The following ZFPM1 variants were observed in gnomAD, a reference collection of about 807,000 sequenced individuals.
ZFPM1 encodes zinc finger protein, FOG family member 1, also known as zinc finger protein ZFPM1.
In ZFPM1, 28 loss-of-function variants were observed where a neutral mutation model predicts 46.3. The ratio of observed to expected loss-of-function variants is 0.60; its 90% CI spans 0.45 to 0.83. The LOEUF is 0.83. ZFPM1 is among the 40% of genes least tolerant of loss of function. ZFPM1 has a pLI of 0.00. For missense variants in ZFPM1, 1,878 were observed against 1,432.4 expected, an observed-to-expected ratio of 1.31 and a Z score of -5.02; for synonymous variants, 957 against 675.9, an observed-to-expected ratio of 1.42 and a Z score of -6.45.
intron 3 of ZFPM1, among the ~76,000 whole-genome samples, chr16:88,493,674 G>A (rs62048974): frequency 0.17 from 25,891 of 149,644 alleles, 2,606 homozygotes; most frequent in East Asian, 0.27. Context: ...GAGCTGTCCC[G>A]GGTTGCGGAG....
In ZFPM1 at chr16:88,492,794, C is replaced by G. The variant is rs555937168; in HGVS notation, c.268+3641C>G. ...TGGTCCCAGACTCCCTGGAGGCACT[C>G]ATGTAACATCAGGCAGAGAGGAGGC... On this transcript the variant is annotated intron_variant, in intron 3 of 9. Coordinates refer to ENST00000319555, the MANE Select transcript of ZFPM1 (RefSeq NM_153813.3). Among the ~76,000 whole-genome samples the G allele has an allele frequency of 2.0e-5, 3 of 152,262 alleles. 1 individual carries two copies. In the South Asian group the frequency reaches 6.2e-4, roughly 32 times the overall value.
chr16:88,510,411 G>A (rs906173775), intron 3 of ZFPM1, among the ~76,000 whole-genome samples: 8 of 152,240 alleles, frequency 5.3e-5, no homozygotes, highest in South Asian at 2.1e-4. Flanking sequence ...CCATCCCCAT[G>A]GGGTGTAATC....
At chr16:88,488,935 C>G in intron 2 of ZFPM1, 96 bp from the exon 3 acceptor site, 1 of 1,509,666 alleles carries the variant, frequency 6.6e-7, no homozygotes, top group East Asian at 2.4e-5. Flanking sequence ...CTCCCCAACC[C>G]GGCGCCCAGC....
Position 88,453,594 on chromosome 16 carries a change from C to T in ZFPM1, c.-45C>T, listed in dbSNP as rs1907387010. On this transcript the variant is annotated 5_prime_UTR_variant, in exon 1 of 10. Transcript: ENST00000319555. ...GCCCCCGCCGCCCGCCGCCGCCCGC[C>T]CGGGGCTAGAGGCGGCCGCCGGGAG... is the stretch of plus-strand genomic sequence containing the variant. 1.0e-6 allele frequency: 1 copy of T among 1,002,684 alleles called. No homozygotes were observed. The highest frequency in any genetic ancestry group is 1.8e-5 in the African/African-American group (1 of 56,682). 62.1% of individuals were successfully genotyped at this position (1,002,684 alleles called of 1,614,324 possible).
chr16:88,532,305 C>CG lies in ZFPM1; in HGVS notation c.946+73dup, dbSNP rs1442604167. On this transcript the variant is annotated intron_variant, in intron 7 of 9. Coordinates refer to ENST00000319555, the MANE Select transcript of ZFPM1 (RefSeq NM_153813.3). The stretch of plus-strand genomic sequence containing the variant: ...TCCCCACCCAGTCCCGCAGGCCGCC[C>CG]GGGAAAACCCACATGCAAGCACACA... 4.3e-6 allele frequency: 6 copies of CG among 1,409,422 alleles called. No homozygotes were observed. In the Admixed American group the frequency reaches 7.0e-5, roughly 16 times the overall value. 87.3% of individuals were successfully genotyped at this position (1,409,422 alleles called of 1,614,324 possible).
chr16:88,472,296 G>T (rs544205322), intron 1 of ZFPM1, among the ~76,000 whole-genome samples: 6 of 152,066 alleles, frequency 3.9e-5, no homozygotes, highest in Non-Finnish European at 8.8e-5. Context: ...GCACCAGAGC[G>T]CCTGCTGCCA....
In ZFPM1 at chr16:88,469,201, C is replaced by T. The variant is rs930782189; in HGVS notation, c.40+15523C>T. 7.9e-5 allele frequency among the ~76,000 whole-genome samples: 12 copies of T among 152,248 alleles called. No individual in the cohort carries two copies. The highest frequency in any genetic ancestry group is 1.9e-4 in the African/African-American group (8 of 41,468). On this transcript the variant is annotated intron_variant, in intron 1 of 9. Coordinates refer to ENST00000319555, the MANE Select transcript of ZFPM1 (RefSeq NM_153813.3). The surrounding 1 kb of genome is among the most constrained non-coding windows in gnomAD (Gnocchi z 4.3). The stretch of plus-strand genomic sequence containing the variant: ...CCCCCACCGCTCCACCCTCTCCCCG[C>T]GCTGACTTCCATCCGGAACCTCATT...
intron 1 of ZFPM1, among the ~76,000 whole-genome samples, chr16:88,460,956 G>T (rs1383403408): frequency 3.8e-5 from 4 of 104,532 alleles, no homozygotes; most frequent in East Asian, 6.4e-4. Flanking sequence ...CGAGGGGCGG[G>T]GCGGGAGGCC....
chr16:88,485,936 C>A lies in ZFPM1; in HGVS notation c.41-3C>A. 6.2e-7 allele frequency: 1 copy of A among 1,612,728 alleles called. No homozygotes were observed. On this transcript the variant is annotated splice_polypyrimidine_tract_variant and splice_region_variant and intron_variant, in intron 1 of 9. Transcript: ENST00000319555. ...CCGAACCCCCATCGTCTTGTGTCCA[C>A]AGGTTCCCTCGGAGACATGGAGGCC...
At chr16:88,490,202 T>A (rs1002611662) in intron 3 of ZFPM1, among the ~76,000 whole-genome samples, 3 of 152,064 alleles carry the variant, frequency 2.0e-5, no homozygotes, top group Non-Finnish European at 4.4e-5. Context: ...TACAGGTGCC[T>A]GCCACCATGC....
chr16:88,453,788 TCA>T lies in ZFPM1; in HGVS notation c.40+112_40+113del, dbSNP rs1369294275. 4 of 600,342 alleles carry T rather than the reference TCA, an allele frequency of 6.7e-6. No homozygotes were observed. In the African/African-American group the frequency reaches 8.1e-5, roughly 12 times the overall value. 37.2% of individuals were successfully genotyped at this position (600,342 alleles called of 1,614,324 possible). On this transcript the variant is annotated intron_variant, in intron 1 of 9. Coordinates refer to ENST00000319555, the MANE Select transcript of ZFPM1 (RefSeq NM_153813.3). ...GCTCTGCCCTGGGCGCCGGCGACCT[TCA>T]CCCCGCGCCGCGCCCCCCGCGCTGT...
intron 1 of ZFPM1, among the ~76,000 whole-genome samples, chr16:88,467,574 C>T (rs2142349643): frequency 6.6e-6 from 1 of 152,362 alleles, no homozygotes; most frequent in East Asian, 1.9e-4. Flanking sequence ...CGAGACCTGC[C>T]TTGCAGGGCA....
chr16:88,475,100 G>A (rs943536588), intron 1 of ZFPM1, among the ~76,000 whole-genome samples: 7 of 152,232 alleles, frequency 4.6e-5, no homozygotes, highest in Non-Finnish European at 7.3e-5. Flanking sequence ...AACTGTGAAG[G>A]GCTGTGCATT....
chr16:88,459,816 C>T (rs1249555872), intron 1 of ZFPM1, among the ~76,000 whole-genome samples: 3 of 131,824 alleles, frequency 2.3e-5, no homozygotes, highest in African/African-American at 8.8e-5. Context: ...TCTTCCCCTT[C>T]ATGGTCAATC....
At chr16:88,523,592 T>C (rs1912069019) in intron 4 of ZFPM1, among the ~76,000 whole-genome samples, 1 of 152,204 alleles carries the variant, frequency 6.6e-6, no homozygotes, top group African/African-American at 2.4e-5. Flanking sequence ...GAGGCTGTGC[T>C]CACCTGTCCC....
chr16:88,532,981 G>C (rs1242410983), intron 9 of ZFPM1, 46 bp downstream of exon 9: 2 of 1,608,930 alleles, frequency 1.2e-6, no homozygotes, highest in East Asian at 2.2e-5. Context: ...GGCCCCCTGA[G>C]CAGTGGGAAG....
rs369543826 is a variant in ZFPM1 at position 88,520,547 on chromosome 16, A to AGGATGGAT, written c.402+6062_402+6069dup. On this transcript the variant is annotated intron_variant, in intron 4 of 9. Transcript: ENST00000319555. ...ATGAATGAATGGGTGGGTGGCTGAA[A>AGGATGGAT]GGATGGATGGATGGATGGATGGATG... Among the ~76,000 whole-genome samples, 683 of 107,904 alleles carry AGGATGGAT rather than the reference A, an allele frequency of 6.3e-3. 2 individuals are homozygous for AGGATGGAT. The highest frequency in any genetic ancestry group is 8.3e-3 in the Middle Eastern group (1 of 120). The allele number at this position is 107,904 out of a possible 152,430, so 70.8% of individuals were successfully genotyped here.
chr16:88,478,585 C>G (rs1292060628), intron 1 of ZFPM1, among the ~76,000 whole-genome samples: 1 of 152,282 alleles, frequency 6.6e-6, no homozygotes, highest in Non-Finnish European at 1.5e-5. Context: ...CAGAGGCACA[C>G]ATGCCCCCTC....
At chr16:88,463,488 G>C (rs966883318) in intron 1 of ZFPM1, among the ~76,000 whole-genome samples, 1 of 152,230 alleles carries the variant, frequency 6.6e-6, no homozygotes, top group Non-Finnish European at 1.5e-5. Context: ...GCACCTACTG[G>C]GCATTTACTA....
Sources: allele counts gnomAD v4.1 joint callset (sites outside exome capture counted in the v4.1 genomes callset), GRCh38; gene constraint gnomAD v4.1.1; non-coding constraint Gnocchi (gnomAD v3.1); transcripts MANE v1.5; gene names NCBI Gene and HGNC (gene_info 2026-07-23, HGNC 2026-07-21).